Variants in CNBD1 observed in about 807,000 individuals in gnomAD.
CNBD1 encodes the protein cyclic nucleotide binding domain containing 1, also known as cyclic nucleotide-binding domain-containing protein 1.
A neutral mutation model predicts 54.4 loss-of-function variants in CNBD1; 71 were observed. That is an observed-to-expected ratio of 1.30 (90% CI 1.08 to 1.59). The LOEUF (loss-of-function observed/expected upper bound fraction) is 1.59, where lower values mean the gene tolerates loss of function less well. Among genes scored for constraint, CNBD1 ranks in the 40% most tolerant of loss-of-function variants. CNBD1 has a pLI of 0.00. For synonymous variants in CNBD1, 182 were observed against 170.7 expected (o/e 1.07, Z -0.51); for missense variants, 659 against 518.0 (o/e 1.27, Z -2.64).
intron 4 of CNBD1, among the ~76,000 whole-genome samples, chr8:87,077,412 C>CTTTTTTTTTTTTTT (rs374931620): frequency 7.7e-6 from 1 of 129,586 alleles, no homozygotes; most frequent in Non-Finnish European, 1.6e-5. Context: ...TCTTCTTCTT[C>CTTTTTTTTTTTTTT]TTTTTTTTTT....
chr8:87,160,229 A>T (rs905290452), intron 4 of CNBD1, among the ~76,000 whole-genome samples: 3 of 152,020 alleles, frequency 2.0e-5, no homozygotes, highest in Non-Finnish European at 4.4e-5. Context: ...TATGTATTTT[A>T]ATTTTATTTT....
intron 4 of CNBD1, among the ~76,000 whole-genome samples, chr8:87,184,222 G>C (rs145521592): frequency 1.9e-3 from 282 of 152,316 alleles, no homozygotes; most frequent in Non-Finnish European, 3.0e-3. Flanking sequence ...TAGGCAGTGA[G>C]CAAAAGAGCT....
At chr8:87,345,612 A>G (rs1017800270) in intron 8 of CNBD1, among the ~76,000 whole-genome samples, 1 of 152,212 alleles carries the variant, frequency 6.6e-6, no homozygotes, top group South Asian at 2.1e-4. Flanking sequence ...ATCAACAATA[A>G]TTGTTCAAAA....
chr8:87,244,136 T>G (rs1412206764), intron 6 of CNBD1, among the ~76,000 whole-genome samples: 1 of 152,058 alleles, frequency 6.6e-6, no homozygotes, highest in Non-Finnish European at 1.5e-5. Context: ...AGATGAGACA[T>G]CAATCAACAT....
At chr8:87,012,013 C>T (rs1432834867) in intron 4 of CNBD1, among the ~76,000 whole-genome samples, 1 of 152,094 alleles carries the variant, frequency 6.6e-6, no homozygotes, top group Non-Finnish European at 1.5e-5. Flanking sequence ...GAAAATCCTA[C>T]TATAAATAAA....
intron 4 of CNBD1, among the ~76,000 whole-genome samples, chr8:87,145,992 T>G (rs1812478359): frequency 6.6e-6 from 1 of 152,150 alleles, no homozygotes; most frequent in Admixed American, 6.5e-5. Context: ...GGATAAAAAT[T>G]TAGAGATTAG....
chr8:86,952,063 A>G (rs1807639866), intron 4 of CNBD1, among the ~76,000 whole-genome samples: 1 of 152,192 alleles, frequency 6.6e-6, no homozygotes, highest in South Asian at 2.1e-4. Context: ...GAAATTCAAA[A>G]TAATATAACC....
At chr8:86,904,563 A>G (rs75716171) in intron 2 of CNBD1, among the ~76,000 whole-genome samples, 3,203 of 152,186 alleles carry the variant, frequency 0.021, 118 homozygotes, top group African/African-American at 0.071. Flanking sequence ...CAATAAATGG[A>G]TCAGAAATTT....
intron 6 of CNBD1, among the ~76,000 whole-genome samples, chr8:87,272,004 C>G (rs1338396111): frequency 6.6e-6 from 1 of 151,840 alleles, no homozygotes; most frequent in Non-Finnish European, 1.5e-5. Context: ...AATCCAAGCA[C>G]AGAAAGACAG....
At chr8:87,050,012 C>CT (rs1318799176) in intron 4 of CNBD1, among the ~76,000 whole-genome samples, 2 of 152,144 alleles carry the variant, frequency 1.3e-5, no homozygotes, top group Non-Finnish European at 2.9e-5. Context: ...GATTGAATGC[C>CT]TTTCCTATGG....
intron 4 of CNBD1, among the ~76,000 whole-genome samples, chr8:87,032,650 A>C (rs180714295): frequency 1.8e-4 from 28 of 152,238 alleles, no homozygotes; most frequent in Non-Finnish European, 3.1e-4. Context: ...ACAGAAATAC[A>C]TTGTAATTTT....
At chr8:87,024,281 T>C (rs539687796) in intron 4 of CNBD1, among the ~76,000 whole-genome samples, 1 of 150,752 alleles carries the variant, frequency 6.6e-6, no homozygotes, top group East Asian at 1.9e-4. Context: ...CAGGAATCAT[T>C]AGAGTTTACA....
At chr8:86,954,726 T>C (rs1278802117) in intron 4 of CNBD1, among the ~76,000 whole-genome samples, 1 of 152,224 alleles carries the variant, frequency 6.6e-6, no homozygotes, top group Non-Finnish European at 1.5e-5. Context: ...TTATTTTAGT[T>C]ACATACTTAG....
At chr8:86,923,204 T>G (rs746468009) in intron 3 of CNBD1, among the ~76,000 whole-genome samples, 15 of 151,870 alleles carry the variant, frequency 9.9e-5, no homozygotes, top group Non-Finnish European at 1.0e-4. Context: ...AGTTACAAAG[T>G]TTTCTAAGTT....
chr8:87,032,562 G>A (rs1259135853), intron 4 of CNBD1, among the ~76,000 whole-genome samples: 1 of 152,158 alleles, frequency 6.6e-6, no homozygotes, highest in African/African-American at 2.4e-5. Flanking sequence ...TACTTTTGCT[G>A]TCTCAGGGGT....
At chr8:87,389,739 T>C (rs985137851) in intron 2 of CNBD1, among the ~76,000 whole-genome samples, 6 of 151,868 alleles carry the variant, frequency 4.0e-5, no homozygotes, top group East Asian at 3.9e-4. Flanking sequence ...TTCACAGAAA[T>C]GGAAAAAAAC....
At chr8:87,109,541 T>C (rs1390626276) in intron 4 of CNBD1, among the ~76,000 whole-genome samples, 2 of 50,116 alleles carry the variant, frequency 4.0e-5, no homozygotes, top group East Asian at 4.2e-4. Flanking sequence ...TCTTTCTTTC[T>C]TTTTTTTTTT....
chr8:87,314,769 T>G (rs1809345302), intron 8 of CNBD1, among the ~76,000 whole-genome samples: 1 of 151,984 alleles, frequency 6.6e-6, no homozygotes, highest in Non-Finnish European at 1.5e-5. Flanking sequence ...AAGAAGAGGT[T>G]ACATATATGA....
chr8:87,404,784 ATCT>A (rs1205364050), intron 2 of CNBD1, among the ~76,000 whole-genome samples: 3 of 152,096 alleles, frequency 2.0e-5, no homozygotes, highest in Non-Finnish European at 4.4e-5. Flanking sequence ...TACTATCCAG[ATCT>A]TCTGCTACTA....
Sources: gnomAD v4.1 joint callset for allele counts (sites outside exome capture counted in the v4.1 genomes callset) on GRCh38, gnomAD v4.1.1 for gene constraint, MANE v1.5 for transcripts, NCBI Gene and HGNC (gene_info 2026-07-23, HGNC 2026-07-21) for gene names.